Variants in GKAP1 observed in about 807,000 individuals in gnomAD.
The protein encoded by GKAP1 is G kinase-anchoring protein 1.
A neutral mutation model predicts 56.7 loss-of-function variants in GKAP1; 31 were observed. The ratio of observed to expected loss-of-function variants is 0.55; its 90% CI spans 0.41 to 0.74. The LOEUF (loss-of-function observed/expected upper bound fraction) is 0.74. GKAP1 is among the 30% of genes least tolerant of loss of function. The probability of loss-of-function intolerance (pLI) is 0.00; values close to 1 mark genes in which losing one functional copy is unlikely to be tolerated. For missense variants in GKAP1, 364 were observed against 402.3 expected, an observed-to-expected ratio of 0.90 and a Z score of 0.82; for synonymous variants, 151 against 138.6, an observed-to-expected ratio of 1.09 and a Z score of -0.63.
At chr9:83,809,510 T>C (rs1001630887) in intron 2 of GKAP1, among the ~76,000 whole-genome samples, 2 of 152,228 alleles carry the variant, frequency 1.3e-5, no homozygotes, top group African/African-American at 4.8e-5. Context: ...GTGAAACTGT[T>C]GGAAGATTAT....
In GKAP1 at chr9:83,783,330, T is replaced by C. The variant is rs916395322; in HGVS notation, c.562+1385A>G. On this transcript the variant is annotated intron_variant, in intron 6 of 12. Coordinates refer to ENST00000376371, the MANE Select transcript of GKAP1 (RefSeq NM_025211.4). ...TGTTCAATAAAATTTTCTGTGATGA[T>C]AGTAATGTTGTATAGCTGGACTAAC... Among the ~76,000 whole-genome samples the C allele has an allele frequency of 3.3e-5, 5 of 152,358 alleles. 1 individual carries two copies. The highest frequency in any genetic ancestry group is 4.8e-5 in the African/African-American group (2 of 41,584).
chr9:83,766,357 G>A (rs1476674741), intron 8 of GKAP1, among the ~76,000 whole-genome samples: 2 of 151,724 alleles, frequency 1.3e-5, no homozygotes, highest in Non-Finnish European at 2.9e-5. Flanking sequence ...GGACTAATAC[G>A]CTTGGATTGT....
At chr9:83,795,156 C>CAA (rs1031439217) in intron 4 of GKAP1, among the ~76,000 whole-genome samples, 280 of 63,286 alleles carry the variant, frequency 4.4e-3, no homozygotes, top group East Asian at 6.8e-3. Context: ...GACTCCATCT[C>CAA]AAAAAAAAAA....
intron 2 of GKAP1, among the ~76,000 whole-genome samples, chr9:83,815,128 C>T (rs1426826515): frequency 4.6e-5 from 7 of 152,200 alleles, no homozygotes; most frequent in East Asian, 3.9e-4. Flanking sequence ...GCCAAGACTG[C>T]GCCACCACAT....
chr9:83,782,143 CTTCT>C (rs888880507), intron 6 of GKAP1, among the ~76,000 whole-genome samples: 41 of 151,608 alleles, frequency 2.7e-4, no homozygotes, highest in Non-Finnish European at 1.0e-4. Flanking sequence ...TGCCCAGCCA[CTTCT>C]TTCTTTTTTT....
intron 8 of GKAP1, among the ~76,000 whole-genome samples, chr9:83,760,926 A>G (rs1038884683): frequency 6.6e-6 from 1 of 152,086 alleles, no homozygotes; most frequent in Admixed American, 6.6e-5. Flanking sequence ...AAAAATTTCA[A>G]ATAAACAACC....
intron 2 of GKAP1, among the ~76,000 whole-genome samples, chr9:83,808,905 T>C (rs185056753): frequency 1.1e-4 from 17 of 152,340 alleles, no homozygotes; most frequent in Non-Finnish European, 1.8e-4. Flanking sequence ...GCTTCTGCGA[T>C]TGCAGAAGCA....
chr9:83,783,490 GTATTTTT>G (rs1274281928), intron 6 of GKAP1, among the ~76,000 whole-genome samples: 2 of 152,182 alleles, frequency 1.3e-5, no homozygotes, highest in East Asian at 3.8e-4. Flanking sequence ...CACAGGCTAA[GTATTTTT>G]AACATTTCCC....
chr9:83,770,559 C>T (rs764210432), intron 7 of GKAP1, among the ~76,000 whole-genome samples: 3 of 151,648 alleles, frequency 2.0e-5, no homozygotes, highest in Non-Finnish European at 4.4e-5. Context: ...ATCGTTTACA[C>T]TGCTTTTTTT....
intron 3 of GKAP1, among the ~76,000 whole-genome samples, chr9:83,802,824 T>TAA (rs1944353130): frequency 6.6e-6 from 1 of 151,228 alleles, no homozygotes; most frequent in Non-Finnish European, 1.5e-5. Flanking sequence ...AGATTCTGTC[T>TAA]TCTCTTTAAA....
intron 4 of GKAP1, among the ~76,000 whole-genome samples, chr9:83,789,644 G>A (rs1944121894): frequency 6.6e-6 from 1 of 152,106 alleles, no homozygotes. Flanking sequence ...GCATAATTCT[G>A]TACACTAAGC....
chr9:83,754,286 A>G (rs1217518618), intron 8 of GKAP1, among the ~76,000 whole-genome samples: 1 of 152,222 alleles, frequency 6.6e-6, no homozygotes, highest in Non-Finnish European at 1.5e-5. Flanking sequence ...CTTGCACCAT[A>G]TACCAAAATA....
intron 2 of GKAP1, among the ~76,000 whole-genome samples, chr9:83,809,070 C>T (rs1944474696): frequency 6.6e-6 from 1 of 152,192 alleles, no homozygotes; most frequent in Admixed American, 6.5e-5. Flanking sequence ...GCTACTGAAG[C>T]CTTATCAAGA....
chr9:83,779,500 CACATATATGTGTATATAT>C (rs1564201613), intron 7 of GKAP1, among the ~76,000 whole-genome samples: 14 of 106,014 alleles, frequency 1.3e-4, no homozygotes, highest in Middle Eastern at 6.0e-3. Context: ...TACACATATA[CACATATATGTGTATATAT>C]ATACACGTGT....
rs142530801 is a variant in GKAP1, at chr9:83,787,846, G to A, written c.438+755C>T. On this transcript the variant is annotated intron_variant, in intron 5 of 12. Coordinates refer to ENST00000376371, the MANE Select transcript of GKAP1 (RefSeq NM_025211.4). ...CAGTGACAAATGCTGAGTTTTCAAG[G>A]CCAAAATTTCAGAAATGGCCTTCTA... Among the ~76,000 whole-genome samples, 163 of 152,252 alleles carry A rather than the reference G, an allele frequency of 1.1e-3. 3 individuals are homozygous for A. In the East Asian group the frequency reaches 0.023, roughly 22 times the overall value.
At chr9:83,807,283 A>G (rs1944453243) in intron 2 of GKAP1, among the ~76,000 whole-genome samples, 1 of 152,138 alleles carries the variant, frequency 6.6e-6, no homozygotes, top group Non-Finnish European at 1.5e-5. Flanking sequence ...AGGTAAGTGG[A>G]GTTTAAGTTG....
chr9:83,782,650 C>A (rs542157633), intron 6 of GKAP1, among the ~76,000 whole-genome samples: 1 of 146,280 alleles, frequency 6.8e-6, no homozygotes, highest in African/African-American at 2.5e-5. Flanking sequence ...GATGAGCCAA[C>A]GCGCCCAGCC....
Position 83,784,740 on chromosome 9 carries a change from T to C in GKAP1, c.537A>G (p.Val179=). 1 of 1,599,160 alleles carries C rather than the reference T, an allele frequency of 6.3e-7. No individual in the cohort carries two copies. Among genetic ancestry groups the C allele is most frequent in the Non-Finnish European group, 8.5e-7 (1 of 1,172,498 alleles). Residue 179 remains valine, a synonymous_variant, in exon 6 of 13, where the codon GTA becomes GTG. Coordinates refer to ENST00000376371, the MANE Select transcript of GKAP1 (RefSeq NM_025211.4). ...NHQGKDRPLT[V]SLKDFHSEDH... ...CTTCCGAATGAAAATCTTTTAGTGA[T>C]ACTGTGAGAGGTCTGTCTTTTCCCT... is the stretch of plus-strand genomic sequence containing the variant.
Position 83,781,336 on chromosome 9 carries a change from C to T in GKAP1, c.563-932G>A, listed in dbSNP as rs139754378. Among the ~76,000 whole-genome samples, 506 of 152,330 alleles carry T rather than the reference C, an allele frequency of 3.3e-3. 2 individuals are homozygous for T. Among genetic ancestry groups the T allele is most frequent in the African/African-American group, 0.011 (469 of 41,584 alleles). On this transcript the variant is annotated intron_variant, in intron 6 of 12. Transcript: ENST00000376371. ...CAGGATCATGCTACTGCACTCCAAC[C>T]TGGGCGACAGAGCAAAACTCTGTCT...
Sources: gnomAD v4.1 joint callset for allele counts (sites outside exome capture counted in the v4.1 genomes callset) on GRCh38, gnomAD v4.1.1 for gene constraint, MANE v1.5 for transcripts, NCBI Gene and HGNC (gene_info 2026-07-23, HGNC 2026-07-21) for gene names.